Variants in SPTBN1 observed in about 807,000 individuals in gnomAD.
SPTBN1 encodes the protein spectrin beta, non-erythrocytic 1.
Under a neutral mutation model 266.4 loss-of-function variants are expected in SPTBN1, and 32 were observed. The ratio of observed to expected loss-of-function variants is 0.12; its 90% confidence interval spans 0.09 to 0.16. SPTBN1 has a LOEUF of 0.16. Ranked by LOEUF, SPTBN1 falls within the 10% of genes least tolerant of loss-of-function variation. SPTBN1 has a pLI of 1.00. For synonymous variants in SPTBN1, 1,336 were observed against 1,162.2 expected, an observed-to-expected ratio of 1.15 and a Z score of -3.04; for missense variants, 2,296 against 3,067.1, an observed-to-expected ratio of 0.75 and a Z score of 5.94.
chr2:54,475,187 C>G (rs935803283), intron 1 of SPTBN1, among the ~76,000 whole-genome samples: 16 of 152,056 alleles, frequency 1.1e-4, no homozygotes, highest in Middle Eastern at 3.2e-3. Flanking sequence ...GCCTGGGTGA[C>G]AAGAGCGAAA....
In SPTBN1 at chr2:54,631,231, A is replaced by G. The variant is rs943178007; in HGVS notation, c.3184A>G (p.Ser1062Gly). 4 of 1,614,194 alleles carry G rather than the reference A, an allele frequency of 2.5e-6. No homozygotes were observed. Among genetic ancestry groups the G allele is most frequent in the Admixed American group, 1.7e-5 (1 of 60,030 alleles). The change falls in exon 16 of 36, where the codon AGC (serine) becomes GGC (glycine). Residue 1062 changes from serine to glycine, a missense_variant. This residue lies in a region of SPTBN1 where 18 missense variants were observed against 50.3 expected (regional missense o/e 0.36). Coordinates refer to ENST00000356805, the MANE Select transcript of SPTBN1 (RefSeq NM_003128.3). ...KNREASLGEA[S>G]KLQQFLRDLD... ...CCGAGAGGCCTCCCTGGGAGAGGCC[A>G]GCAAGCTGCAGCAGTTCCTACGGGA...
chr2:54,617,739 CT>C (rs1558432678), intron 6 of SPTBN1, 51 bp downstream of exon 6: 6 of 1,573,340 alleles, frequency 3.8e-6, no homozygotes, highest in Admixed American at 1.7e-5. Flanking sequence ...GGTTGCTGTC[CT>C]TCCATAGCAG....
intron 1 of SPTBN1, among the ~76,000 whole-genome samples, chr2:54,489,065 A>T (rs570132513): frequency 6.6e-6 from 1 of 151,840 alleles, no homozygotes; most frequent in Admixed American, 6.6e-5. Context: ...TCATGCCTGT[A>T]ATCCCAGCAC....
At chr2:54,656,585 G>A (rs1680677361) in intron 29 of SPTBN1, among the ~76,000 whole-genome samples, 1 of 152,174 alleles carries the variant, frequency 6.6e-6, no homozygotes, top group African/African-American at 2.4e-5. Context: ...ATTGGTATGA[G>A]CACTAACAGC....
Sources: allele counts gnomAD v4.1 joint callset (sites outside exome capture counted in the v4.1 genomes callset), GRCh38; gene constraint gnomAD v4.1.1; regional missense constraint gnomAD v4.1.1; transcripts MANE v1.5; gene names NCBI Gene and HGNC (gene_info 2026-07-23, HGNC 2026-07-21).